MEX3D: variants seen among roughly 807,000 people sequenced by gnomAD.
The protein encoded by MEX3D is mex-3 RNA binding family member D.
MEX3D carries 4 observed loss-of-function variants against 6.3 expected under a neutral mutation model. The observed-to-expected ratio is 0.64, with a 90% CI of 0.31 to 1.46. MEX3D has a LOEUF of 1.46. Among genes scored for constraint, MEX3D ranks in the 40% most tolerant of loss-of-function variants. The pLI, the probability that MEX3D is intolerant of heterozygous loss-of-function variation, is 0.07. For synonymous variants in MEX3D, 626 were observed against 494.1 expected (o/e 1.27, Z -3.54); for missense variants, 1,038 against 994.4 (o/e 1.04, Z -0.59).
chr19:1,564,969 G>A (rs555446654), intron 1 of MEX3D, among the ~76,000 whole-genome samples: 150 of 152,278 alleles, frequency 9.9e-4, no homozygotes, highest in African/African-American at 3.2e-3. Context: ...ACAGACTACC[G>A]AAGCTGTGGA....
At position 1,556,365 on chromosome 19, in the gene MEX3D, G is replaced by A. The variant is rs754530692; in HGVS notation, c.1154C>T (p.Thr385Met). 3.4e-6 allele frequency: 5 copies of A among 1,479,562 alleles called. No homozygotes were observed. The highest frequency in any genetic ancestry group is 1.4e-5 in the South Asian group (1 of 74,068). 91.7% of individuals were successfully genotyped at this position (1,479,562 alleles called of 1,614,324 possible). Residue 385 changes from threonine (T) to methionine (M), a missense_variant, in exon 2 of 2, where the codon ACG becomes ATG. Thr to Met is a moderately conservative substitution (Grantham distance 81). Around this residue, in one of 5 missense-constraint regions of MEX3D, gnomAD observed 581 missense variants for 516.2 expected, o/e 1.13. Transcript: ENST00000402693. The surrounding 1 kb of genome is among the most constrained non-coding windows in gnomAD (Gnocchi z 7.5). ...GTCCCCGCGGAGGCCGGCCGTGGCCGTGGGGGGCCGTCGTCCCTGGTTGGG... is the reference window on the plus strand; with the variant it reads ...GTCCCCGCGGAGGCCGGCCGTGGCCATGGGGGGCCGTCGTCCCTGGTTGGG... ...KTPNQGRRPPTATAGLRGDTA... is the reference protein window; with the variant it reads ...KTPNQGRRPPMATAGLRGDTA...
At position 1,555,926 on chromosome 19, in the gene MEX3D, G is replaced by C. The variant is rs1286820242; in HGVS notation, c.1593C>G (p.Arg531=). 3 of 1,192,538 alleles carry C rather than the reference G, an allele frequency of 2.5e-6. No homozygotes were observed. Among genetic ancestry groups the C allele is most frequent in the Non-Finnish European group, 3.1e-6 (3 of 962,844 alleles). 73.9% of individuals were successfully genotyped at this position (1,192,538 alleles called of 1,614,324 possible). ...GGLRLELPLS[R]RGAPDPVGAL... ...CGCCCACCGGGTCCGGGGCGCCACG[G>C]CGAGACAGCGGGAGCTCCAGGCGGA... Residue 531 remains arginine (R), a synonymous_variant, in exon 2 of 2, where the codon CGC becomes CGG. Transcript: ENST00000402693.
chr19:1,568,160 C>A lies in MEX3D; in HGVS notation c.-102G>T. The A allele has an allele frequency of 1.0e-6, 1 of 964,200 alleles. No individual in the cohort carries two copies. The allele number at this position is 964,200 out of a possible 1,614,324, so 59.7% of individuals were successfully genotyped here. On this transcript the variant is annotated 5_prime_UTR_variant, in exon 1 of 2. Transcript: ENST00000402693. ...GAGCTGGGCCGCCGGCCGCCTGCAT[C>A]CAGCGGCGGGGGCGGGCACGGGGGG...
chr19:1,556,793 C>T lies in MEX3D; in HGVS notation c.726G>A (p.Ser242=). The change falls in exon 2 of 2, where the codon TCG becomes TCA. Residue 242 remains serine (S), a synonymous_variant. Transcript: ENST00000402693. The surrounding 1 kb of genome is among the most constrained non-coding windows in gnomAD (Gnocchi z 7.5). ...DVEMAKREIL[S]AAEHFSIIRA... is the part of the protein sequence containing the mutation. ...GGATGATGGAGAAGTGTTCGGCCGC[C>T]GACAGGATCTCACGCTTGGCCATCT... The T allele has an allele frequency of 1.2e-6, 2 of 1,612,610 alleles. No individual in the cohort carries two copies. Among genetic ancestry groups the T allele is most frequent in the Non-Finnish European group, 1.7e-6 (2 of 1,179,794 alleles).
In MEX3D at chr19:1,555,872, G is replaced by A. The variant is rs867668430; in HGVS notation, c.1647C>T (p.Pro549=). Residue 549 remains proline, a synonymous_variant, in exon 2 of 2, where the codon CCC becomes CCT. Coordinates refer to ENST00000402693, the MANE Select transcript of MEX3D (RefSeq NM_203304.4). ...GALSWRPPQG[P]VSFPGGAAFS... ...AGGCGGCGCCGCCTGGGAAGGATAC[G>A]GGGCCCTGCGGGGGTCGCCAGGACA... The A allele has an allele frequency of 2.3e-5, 30 of 1,309,110 alleles. No individual in the cohort carries two copies. Among genetic ancestry groups the A allele is most frequent in the East Asian group, 1.0e-4 (3 of 28,884 alleles). The allele number at this position is 1,309,110 out of a possible 1,614,324, so 81.1% of individuals were successfully genotyped here. A position where few individuals can be genotyped will look rare whatever the true frequency, so the allele number is the denominator to read the frequency against.
chr19:1,561,765 T>C (rs2145574263), intron 1 of MEX3D, among the ~76,000 whole-genome samples: 1 of 152,174 alleles, frequency 6.6e-6, no homozygotes, highest in East Asian at 2.0e-4. Context: ...CACCTCAGCC[T>C]CCCGAGTAGC....
intron 1 of MEX3D, among the ~76,000 whole-genome samples, chr19:1,563,862 C>T (rs962714785): frequency 6.6e-6 from 1 of 152,056 alleles, no homozygotes; most frequent in South Asian, 2.1e-4. Flanking sequence ...GACTGGAGAG[C>T]GGTGACAAGA....
chr19:1,566,570 C>T (rs1444716731), intron 1 of MEX3D, among the ~76,000 whole-genome samples: 2 of 152,024 alleles, frequency 1.3e-5, no homozygotes, highest in Non-Finnish European at 2.9e-5. Context: ...CAGCGGGGAC[C>T]CAGGAGCGGG....
chr19:1,555,131 CG>C lies in MEX3D; in HGVS notation c.*431del, dbSNP rs1256239920. 1 of 377,430 alleles carries C rather than the reference CG, an allele frequency of 2.6e-6. No homozygotes were observed. Among genetic ancestry groups the C allele is most frequent in the East Asian group, 9.9e-5 (1 of 10,130 alleles). 23.4% of individuals were successfully genotyped at this position (377,430 alleles called of 1,614,324 possible). ...ACCCTCCTCCTCTGGAACGTCTGTGCGGCCTGAGACCGGCCGGCGAGAAAAG... is the reference window on the plus strand; with the variant it reads ...ACCCTCCTCCTCTGGAACGTCTGTGCGCCTGAGACCGGCCGGCGAGAAAAG... On this transcript the variant is annotated 3_prime_UTR_variant, in exon 2 of 2. Transcript: ENST00000402693.
At position 1,567,398 on chromosome 19, in the gene MEX3D, C is replaced by T. The variant is rs1017579957; in HGVS notation, c.595+66G>A. The stretch of plus-strand genomic sequence containing the variant: ...CGCGGGCTGGGCTGGGCTCGGGCGA[C>T]CCCCTTCCCCGGGGCGGACGGTGCG... On this transcript the variant is annotated intron_variant, in intron 1 of 1. Coordinates refer to ENST00000402693, the MANE Select transcript of MEX3D (RefSeq NM_203304.4). This position sits in a 1 kb window ranked among gnomAD's most constrained non-coding sequence, Gnocchi z 6.5. The T allele has an allele frequency of 5.1e-5, 75 of 1,469,826 alleles. No individual in the cohort carries two copies. The highest frequency in any genetic ancestry group is 7.0e-5 in the Admixed American group (3 of 42,766). The allele number at this position is 1,469,826 out of a possible 1,614,324, so 91.0% of individuals were successfully genotyped here.
At chr19:1,565,504 T>C (rs1218349299) in intron 1 of MEX3D, among the ~76,000 whole-genome samples, 2 of 152,198 alleles carry the variant, frequency 1.3e-5, no homozygotes, top group Non-Finnish European at 2.9e-5. Context: ...ATCACGTCAC[T>C]GCACTCCAGC....
At chr19:1,565,053 T>C (rs1214045380) in intron 1 of MEX3D, among the ~76,000 whole-genome samples, 1 of 152,076 alleles carries the variant, frequency 6.6e-6, no homozygotes, top group Non-Finnish European at 1.5e-5. Context: ...CGCACTCCAC[T>C]TATGGGGTGG....
At position 1,561,449 on chromosome 19, in the gene MEX3D, C is replaced by G. The variant is rs933315725; in HGVS notation, c.596-4526G>C. Among the ~76,000 whole-genome samples the G allele has an allele frequency of 4.6e-5, 7 of 152,336 alleles. No homozygotes were observed. In the South Asian group the frequency reaches 1.2e-3, roughly 27 times the overall value. ...CCGGGTGACGCGGGACAGCAGCATCCCAGACCTGGGCCACTATGGAAGCCA... is the reference window on the plus strand; with the variant it reads ...CCGGGTGACGCGGGACAGCAGCATCGCAGACCTGGGCCACTATGGAAGCCA... On this transcript the variant is annotated intron_variant, in intron 1 of 1. Transcript: ENST00000402693.
In MEX3D at chr19:1,556,674, T is replaced by TAGGGCAC; in HGVS notation, c.838_844dup (p.Tyr282CysfsTer198). On this transcript the variant is annotated frameshift_variant, in exon 2 of 2. Transcript: ENST00000402693. LOFTEE classifies it low-confidence loss of function (END_TRUNC). This position sits in a 1 kb window ranked among gnomAD's most constrained non-coding sequence, Gnocchi z 7.5. ...CCCCACCACCAGCCCCACCACCCGG[T>TAGGGCAC]AGGGCACGCGCACCTGGATGGTGGT... The TAGGGCAC allele has an allele frequency of 6.2e-7, 1 of 1,610,688 alleles. No individual in the cohort carries two copies. The highest frequency in any genetic ancestry group is 8.5e-7 in the Non-Finnish European group (1 of 1,178,928).
chr19:1,560,192 G>A (rs902771710), intron 1 of MEX3D, among the ~76,000 whole-genome samples: 1 of 152,354 alleles, frequency 6.6e-6, no homozygotes, highest in African/African-American at 2.4e-5. Context: ...GGCCCTCAGA[G>A]GGCCATGACC....
chr19:1,557,452 G>T (rs1183998935), intron 1 of MEX3D, among the ~76,000 whole-genome samples: 1 of 151,294 alleles, frequency 6.6e-6, no homozygotes, highest in Non-Finnish European at 1.5e-5. Flanking sequence ...TGTAGTCCCA[G>T]GTACTTGGGA....
In MEX3D at chr19:1,556,056, C is replaced by G. The variant is rs1444177466; in HGVS notation, c.1463G>C (p.Cys488Ser). Residue 488 changes from cysteine to serine, a missense_variant, in exon 2 of 2, where the codon TGC becomes TCC. This residue lies in a region of MEX3D where 581 missense variants were observed against 516.2 expected (regional missense o/e 1.13). Transcript: ENST00000402693. This position sits in a 1 kb window ranked among gnomAD's most constrained non-coding sequence, Gnocchi z 7.5. ...RAAPLPAFSG[C>S]STVNGAPGPP... ...TCCCGGGGCTCCGTTGACCGTGGAGCAGCCGCTGAAGGCGGGCAAGGGGGC... is the reference window on the plus strand; with the variant it reads ...TCCCGGGGCTCCGTTGACCGTGGAGGAGCCGCTGAAGGCGGGCAAGGGGGC... 2.2e-6 allele frequency: 3 copies of G among 1,376,284 alleles called. No homozygotes were observed. Among genetic ancestry groups the G allele is most frequent in the Non-Finnish European group, 1.9e-6 (2 of 1,063,348 alleles). The allele number at this position is 1,376,284 out of a possible 1,614,324, so 85.3% of individuals were successfully genotyped here.
rs766513101 is a variant in MEX3D at position 1,556,067 on chromosome 19, G to A, written c.1452C>T (p.Ala484=). 17 of 1,398,120 alleles carry A rather than the reference G, an allele frequency of 1.2e-5. No individual in the cohort carries two copies. The South Asian group carries it at 1.6e-4, about 13-fold the overall frequency. 86.6% of individuals were successfully genotyped at this position (1,398,120 alleles called of 1,614,324 possible). ...APFERAAPLP[A]FSGCSTVNGA... ...CGTTGACCGTGGAGCAGCCGCTGAA[G>A]GCGGGCAAGGGGGCGGCGCGCTCAA... The change falls in exon 2 of 2, where the codon GCC becomes GCT. Residue 484 remains alanine, a synonymous_variant. Transcript: ENST00000402693. The surrounding 1 kb of genome is among the most constrained non-coding windows in gnomAD (Gnocchi z 7.5).
Position 1,555,640 on chromosome 19 carries a change from G to A in MEX3D, c.1879C>T (p.Arg627Cys), listed in dbSNP as rs767215277. ...HNLFCMDCAV[R>C]ICGKSEPECP... ...TCGGGCTCGCTCTTGCCGCAGATGC[G>A]GACGGCGCAGTCCATGCAGAAGAGG... is the stretch of plus-strand genomic sequence containing the variant. The change falls in exon 2 of 2, where the codon CGC (arginine) becomes TGC (cysteine). Residue 627 changes from arginine (R) to cysteine (C), a missense_variant. Physicochemically the swap from Arg to Cys is radical, Grantham distance 180. This residue lies in a region of MEX3D where 581 missense variants were observed against 516.2 expected (regional missense o/e 1.13). Coordinates refer to ENST00000402693, the MANE Select transcript of MEX3D (RefSeq NM_203304.4). 1.9e-6 allele frequency: 3 copies of A among 1,588,542 alleles called. No individual in the cohort carries two copies. Among genetic ancestry groups the A allele is most frequent in the Non-Finnish European group, 1.7e-6 (2 of 1,170,150 alleles).
Sources: gnomAD v4.1 joint callset for allele counts (sites outside exome capture counted in the v4.1 genomes callset) on GRCh38, gnomAD v4.1.1 for gene constraint, gnomAD v4.1.1 regional missense constraint, Gnocchi (gnomAD v3.1) non-coding constraint, MANE v1.5 for transcripts, NCBI Gene and HGNC (gene_info 2026-07-23, HGNC 2026-07-21) for gene names.